INPP4B: variants seen among roughly 807,000 people sequenced by gnomAD.
INPP4B encodes the protein inositol polyphosphate-4-phosphatase type II B.
INPP4B carries 55 observed loss-of-function variants against 122.5 expected under a neutral mutation model. The observed-to-expected ratio is 0.45, with a 90% CI of 0.36 to 0.56. The LOEUF (loss-of-function observed/expected upper bound fraction) is 0.56, where lower values mean the gene tolerates loss of function less well. Ranked by LOEUF, INPP4B falls within the 20% of genes least tolerant of loss-of-function variation. The probability of loss-of-function intolerance (pLI) is 0.00; values close to 1 mark genes in which losing one functional copy is unlikely to be tolerated. For missense variants in INPP4B, 1,000 were observed against 1,097.7 expected, an observed-to-expected ratio of 0.91 and a Z score of 1.26; for synonymous variants, 403 against 388.7, an observed-to-expected ratio of 1.04 and a Z score of -0.43.
rs1436453343 is a variant in INPP4B at position 142,398,438 on chromosome 4, ATATATAT to A, written c.372+4493_372+4499del. 1.7e-3 allele frequency among the ~76,000 whole-genome samples: 182 copies of A among 106,888 alleles called. 2 individuals are homozygous for A. The highest frequency in any genetic ancestry group is 6.5e-3 in the African/African-American group (152 of 23,334). The allele number at this position is 106,888 out of a possible 152,430, so 70.1% of individuals were successfully genotyped here. ...TATATATATATATATATATATATAT[ATATATAT>A]AAAACATATTAAACATAGTGCTTGG... On this transcript the variant is annotated intron_variant, in intron 7 of 25. Coordinates refer to ENST00000262992, the MANE Select transcript of INPP4B (RefSeq NM_001101669.3).
chr4:142,777,711 C>T (rs1473087172), intron 1 of INPP4B, among the ~76,000 whole-genome samples: 1 of 152,164 alleles, frequency 6.6e-6, no homozygotes, highest in Admixed American at 6.5e-5. Context: ...TCATACGAGG[C>T]AATGATTCTT....
intron 2 of INPP4B, among the ~76,000 whole-genome samples, chr4:142,495,859 T>C (rs968564814): frequency 6.6e-6 from 1 of 152,158 alleles, no homozygotes; most frequent in Non-Finnish European, 1.5e-5. Flanking sequence ...ACATTGCTGA[T>C]CTCTTTCTCC....
At chr4:142,225,992 A>G (rs1579350633) in intron 12 of INPP4B, among the ~76,000 whole-genome samples, 1 of 152,306 alleles carries the variant, frequency 6.6e-6, no homozygotes, top group East Asian at 1.9e-4. Flanking sequence ...TAAGTTATAC[A>G]TGTCCCATCA....
intron 7 of INPP4B, among the ~76,000 whole-genome samples, chr4:142,369,701 T>C (rs1789068472): frequency 1.3e-5 from 2 of 151,436 alleles, no homozygotes; most frequent in South Asian, 4.2e-4. Context: ...CCAAGGTGGG[T>C]GGATCACCTG....
chr4:142,048,108 T>C (rs1453669908), intron 25 of INPP4B, among the ~76,000 whole-genome samples: 1 of 152,094 alleles, frequency 6.6e-6, no homozygotes, highest in East Asian at 1.9e-4. Context: ...AAAGATCCAT[T>C]CTGCAAATTG....
At chr4:142,782,600 C>A (rs1413651350) in intron 1 of INPP4B, among the ~76,000 whole-genome samples, 1 of 151,632 alleles carries the variant, frequency 6.6e-6, no homozygotes, top group Non-Finnish European at 1.5e-5. Context: ...GTCCCACCAA[C>A]AGTGTAAAAG....
At chr4:142,107,035 A>C (rs760675888) in intron 23 of INPP4B, among the ~76,000 whole-genome samples, 25 of 152,188 alleles carry the variant, frequency 1.6e-4, no homozygotes, top group Non-Finnish European at 3.5e-4. Flanking sequence ...TAATTAACAA[A>C]TTTAATACTT....
chr4:142,475,858 A>G (rs1315252036), intron 2 of INPP4B, among the ~76,000 whole-genome samples: 1 of 152,240 alleles, frequency 6.6e-6, no homozygotes, highest in Non-Finnish European at 1.5e-5. Flanking sequence ...TAAAGAGATC[A>G]TATCTATGAC....
intron 3 of INPP4B, among the ~76,000 whole-genome samples, chr4:142,431,762 G>A (rs529435584): frequency 5.2e-4 from 79 of 152,108 alleles, no homozygotes; most frequent in South Asian, 1.9e-3. Context: ...TATTACTATC[G>A]TTCTTTCCAT....
chr4:142,332,710 CCTT>C (rs1207920427), intron 7 of INPP4B, among the ~76,000 whole-genome samples: 1 of 151,608 alleles, frequency 6.6e-6, no homozygotes, highest in Non-Finnish European at 1.5e-5. Flanking sequence ...TTGTTTAAAA[CCTT>C]CTAAAATGGG....
intron 5 of INPP4B, among the ~76,000 whole-genome samples, chr4:142,410,070 T>C (rs1240861809): frequency 6.6e-6 from 1 of 152,268 alleles, no homozygotes; most frequent in Non-Finnish European, 1.5e-5. Context: ...ATCATTTCTA[T>C]CATTCCAACC....
intron 2 of INPP4B, among the ~76,000 whole-genome samples, chr4:142,632,975 A>G (rs1333692418): frequency 6.6e-6 from 1 of 151,736 alleles, no homozygotes; most frequent in Non-Finnish European, 1.5e-5. Flanking sequence ...AACATAAAAG[A>G]AGATCAAATA....
intron 23 of INPP4B, among the ~76,000 whole-genome samples, chr4:142,107,290 A>G (rs1787643265): frequency 6.6e-6 from 1 of 152,194 alleles, no homozygotes; most frequent in Admixed American, 6.5e-5. Context: ...TAAATCAGTG[A>G]GCAAATTGTT....
At chr4:142,523,101 C>T (rs930025479) in intron 2 of INPP4B, among the ~76,000 whole-genome samples, 2 of 152,042 alleles carry the variant, frequency 1.3e-5, no homozygotes, top group South Asian at 2.1e-4. Context: ...CAAGATATAA[C>T]AAAAATTGAA....
intron 2 of INPP4B, among the ~76,000 whole-genome samples, chr4:142,695,773 C>A (rs1760937201): frequency 6.6e-6 from 1 of 152,162 alleles, no homozygotes; most frequent in African/African-American, 2.4e-5. Context: ...TAAGTTACTA[C>A]AATCAAATCT....
intron 9 of INPP4B, among the ~76,000 whole-genome samples, chr4:142,273,873 A>T (rs1747108154): frequency 6.6e-6 from 1 of 151,912 alleles, no homozygotes; most frequent in South Asian, 2.1e-4. Flanking sequence ...AGAACTAAAC[A>T]CAAGACATCC....
At chr4:142,568,283 C>T (rs1193981429) in intron 2 of INPP4B, among the ~76,000 whole-genome samples, 1 of 152,024 alleles carries the variant, frequency 6.6e-6, no homozygotes. Flanking sequence ...CAACTCTGGC[C>T]TTACTTTGTA....
chr4:142,085,628 A>C (rs1776359246), intron 24 of INPP4B, among the ~76,000 whole-genome samples: 1 of 152,186 alleles, frequency 6.6e-6, no homozygotes, highest in African/African-American at 2.4e-5. Context: ...AATGAGAAAG[A>C]GCTATACAAA....
intron 7 of INPP4B, among the ~76,000 whole-genome samples, chr4:142,368,760 G>C (rs556208664): frequency 6.6e-6 from 1 of 152,116 alleles, no homozygotes; most frequent in African/African-American, 2.4e-5. Context: ...GGAAATAATG[G>C]GCAGGTGAGT....
Sources: allele counts gnomAD v4.1 joint callset (sites outside exome capture counted in the v4.1 genomes callset), GRCh38; gene constraint gnomAD v4.1.1; transcripts MANE v1.5; gene names NCBI Gene and HGNC (gene_info 2026-07-23, HGNC 2026-07-21).